CCDC178: variants seen among roughly 807,000 people sequenced by gnomAD.
CCDC178 encodes the protein coiled-coil domain-containing protein 178.
CCDC178 carries 126 observed loss-of-function variants against 117.4 expected under a neutral mutation model. The ratio of observed to expected loss-of-function variants is 1.07; its 90% confidence interval spans 0.93 to 1.24. The LOEUF (loss-of-function observed/expected upper bound fraction) is 1.24, where lower values mean the gene tolerates loss of function less well. CCDC178 is among the 50% of genes most tolerant of loss of function. CCDC178 has a pLI of 0.00. For synonymous variants in CCDC178, 283 were observed against 313.4 expected (o/e 0.90, Z 1.02); for missense variants, 1,030 against 986.9 (o/e 1.04, Z -0.59).
At chr18:33,165,114 C>T (rs567255928) in intron 20 of CCDC178, among the ~76,000 whole-genome samples, 55 of 152,240 alleles carry the variant, frequency 3.6e-4, no homozygotes, top group African/African-American at 1.3e-3. Context: ...TTTTGATACA[C>T]TTGTGGTTTG....
intron 20 of CCDC178, among the ~76,000 whole-genome samples, chr18:33,101,466 A>G (rs2057627172): frequency 6.6e-6 from 1 of 151,806 alleles, no homozygotes; most frequent in Non-Finnish European, 1.5e-5. Context: ...TCAGTCACAG[A>G]AAGGTCAGTT....
intron 19 of CCDC178, among the ~76,000 whole-genome samples, chr18:33,214,791 T>G (rs2059146256): frequency 6.6e-6 from 1 of 152,020 alleles, no homozygotes; most frequent in Non-Finnish European, 1.5e-5. Context: ...TTAGAATGCA[T>G]GGCAACAGGC....
At chr18:33,415,686 T>TA (rs1253581802) in intron 2 of CCDC178, among the ~76,000 whole-genome samples, 1 of 152,046 alleles carries the variant, frequency 6.6e-6, no homozygotes, top group Non-Finnish European at 1.5e-5. Flanking sequence ...CCCTAGAACT[T>TA]AAAGTATAGT....
chr18:33,006,902 T>G (rs1214345581), intron 21 of CCDC178, among the ~76,000 whole-genome samples: 1 of 152,050 alleles, frequency 6.6e-6, no homozygotes, highest in Non-Finnish European at 1.5e-5. Flanking sequence ...TAATACATCT[T>G]GGAAGATGAC....
chr18:33,138,253 A>G (rs1163404268), intron 20 of CCDC178, among the ~76,000 whole-genome samples: 1 of 152,212 alleles, frequency 6.6e-6, no homozygotes, highest in Non-Finnish European at 1.5e-5. Context: ...TCAACTACTT[A>G]TTAATGTTTA....
intron 21 of CCDC178, among the ~76,000 whole-genome samples, chr18:33,075,005 T>A (rs2057179282): frequency 6.6e-6 from 1 of 152,156 alleles, no homozygotes; most frequent in African/African-American, 2.4e-5. Flanking sequence ...GTATGAGTGA[T>A]GACTGTGAGA....
At chr18:33,049,375 C>T (rs1420662041) in intron 21 of CCDC178, among the ~76,000 whole-genome samples, 1 of 152,046 alleles carries the variant, frequency 6.6e-6, no homozygotes, top group Non-Finnish European at 1.5e-5. Flanking sequence ...AACACATGGA[C>T]AAATACATCT....
chr18:33,276,621 G>T (rs905001085), intron 12 of CCDC178, among the ~76,000 whole-genome samples: 14 of 152,094 alleles, frequency 9.2e-5, no homozygotes, highest in Non-Finnish European at 1.9e-4. Flanking sequence ...AATCAACTTG[G>T]TTAAGTGGCA....
intron 4 of CCDC178, among the ~76,000 whole-genome samples, chr18:33,395,144 G>A (rs953468395): frequency 6.6e-6 from 1 of 150,736 alleles, no homozygotes; most frequent in East Asian, 2.0e-4. Flanking sequence ...TTGATGACTT[G>A]TAAGTTTTAG....
intron 20 of CCDC178, among the ~76,000 whole-genome samples, chr18:33,146,187 G>A (rs1351429752): frequency 6.6e-6 from 1 of 152,154 alleles, no homozygotes; most frequent in African/African-American, 2.4e-5. Context: ...TCGAAACACT[G>A]GAAACTGGAA....
chr18:33,290,686 T>C (rs944999615), intron 12 of CCDC178, among the ~76,000 whole-genome samples: 6 of 152,120 alleles, frequency 3.9e-5, no homozygotes, highest in African/African-American at 1.4e-4. Flanking sequence ...GAGGATTCAC[T>C]ATAATAGATA....
chr18:33,385,499 C>G (rs2063482587), intron 5 of CCDC178, among the ~76,000 whole-genome samples: 1 of 152,090 alleles, frequency 6.6e-6, no homozygotes, highest in East Asian at 1.9e-4. Flanking sequence ...TAACTGAAAT[C>G]ATAACAAACA....
rs367732210 is a variant in CCDC178, at chr18:33,345,045, CA to C, written c.658+1165del. 1.1e-3 allele frequency among the ~76,000 whole-genome samples: 174 copies of C among 152,114 alleles called. 3 individuals are homozygous for C. The East Asian group carries it at 0.021, about 18-fold the overall frequency. ...AGCTTTAGAAGACATAAAATTATAA[CA>C]AAAGTCTAAATATGAGTACACTATG... On this transcript the variant is annotated intron_variant, in intron 9 of 22. Coordinates refer to ENST00000383096, the MANE Select transcript of CCDC178 (RefSeq NM_001105528.4).
At chr18:33,339,848 T>A (rs1418844749) in intron 9 of CCDC178, among the ~76,000 whole-genome samples, 1 of 152,276 alleles carries the variant, frequency 6.6e-6, no homozygotes, top group Non-Finnish European at 1.5e-5. Flanking sequence ...CATATGGGAC[T>A]GTAACTCCAT....
At chr18:33,179,792 A>T (rs2058714044) in intron 20 of CCDC178, among the ~76,000 whole-genome samples, 1 of 152,034 alleles carries the variant, frequency 6.6e-6, no homozygotes, top group South Asian at 2.1e-4. Context: ...TCAGAGCTGC[A>T]TAATAGCTTT....
chr18:32,953,363 T>C (rs1321832061), intron 22 of CCDC178, among the ~76,000 whole-genome samples: 1 of 152,186 alleles, frequency 6.6e-6, no homozygotes, highest in Non-Finnish European at 1.5e-5. Context: ...ATTTCCAATC[T>C]TTCCCATGTC....
intron 9 of CCDC178, among the ~76,000 whole-genome samples, chr18:33,337,689 G>T (rs1202480440): frequency 3.9e-5 from 6 of 152,244 alleles, no homozygotes; most frequent in Admixed American, 3.9e-4. Flanking sequence ...ATGGTGCTAG[G>T]ATAATTGGCA....
chr18:33,304,400 G>A (rs1200282905), intron 11 of CCDC178, among the ~76,000 whole-genome samples: 1 of 152,162 alleles, frequency 6.6e-6, no homozygotes, highest in Non-Finnish European at 1.5e-5. Context: ...ATACATGGCA[G>A]CTTGATTCAT....
At chr18:33,265,006 T>C (rs1350347947) in intron 14 of CCDC178, among the ~76,000 whole-genome samples, 1 of 152,098 alleles carries the variant, frequency 6.6e-6, no homozygotes, top group Non-Finnish European at 1.5e-5. Context: ...CTTCAGATGT[T>C]TGTTTGCTTT....
Sources: allele counts gnomAD v4.1 joint callset (sites outside exome capture counted in the v4.1 genomes callset), GRCh38; gene constraint gnomAD v4.1.1; transcripts MANE v1.5; gene names NCBI Gene and HGNC (gene_info 2026-07-23, HGNC 2026-07-21).